Variants in IMMP2L observed in about 807,000 individuals in gnomAD.
IMMP2L encodes the protein mitochondrial inner membrane protease subunit 2.
IMMP2L carries 18 observed loss-of-function variants against 19.3 expected under a neutral mutation model. The ratio of observed to expected loss-of-function variants is 0.93; its 90% CI spans 0.64 to 1.38. The LOEUF (loss-of-function observed/expected upper bound fraction) is 1.38, where lower values mean the gene tolerates loss of function less well. Ranked by LOEUF, IMMP2L falls within the 40% of genes most tolerant of loss-of-function variation. The probability of loss-of-function intolerance (pLI) is 0.00; values close to 1 mark genes in which losing one functional copy is unlikely to be tolerated. For missense variants in IMMP2L, 233 were observed against 218.2 expected, an observed-to-expected ratio of 1.07 and a Z score of -0.43; for synonymous variants, 76 against 73.0, an observed-to-expected ratio of 1.04 and a Z score of -0.21.
At chr7:111,253,504 G>T (rs7805473) in intron 3 of IMMP2L, among the ~76,000 whole-genome samples, 2 of 152,060 alleles carry the variant, frequency 1.3e-5, no homozygotes, top group Non-Finnish European at 2.9e-5. Flanking sequence ...GGTGAAAGGA[G>T]GCTGCATATG....
intron 5 of IMMP2L, among the ~76,000 whole-genome samples, chr7:110,871,722 C>A (rs1362847317): frequency 6.6e-6 from 1 of 152,046 alleles, no homozygotes; most frequent in East Asian, 1.9e-4. Flanking sequence ...ACCACAGATT[C>A]AGAACTTTAA....
In IMMP2L at chr7:111,301,921, T is replaced by TAAAAA. The variant is rs59156229; in HGVS notation, c.239+185312_239+185316dup. On this transcript the variant is annotated intron_variant, in intron 3 of 5. Coordinates refer to ENST00000405709, the MANE Select transcript of IMMP2L (RefSeq NM_032549.4). ...ATTACGCCATGTCAGTTTCATGCTT[T>TAAAAA]AAAAAAAAAAAAAAAAAAAAAAAAA... Among the ~76,000 whole-genome samples, 345 of 83,144 alleles carry TAAAAA rather than the reference T, an allele frequency of 4.1e-3. 4 individuals are homozygous for TAAAAA. Among genetic ancestry groups the TAAAAA allele is most frequent in the Non-Finnish European group, 6.0e-3 (280 of 46,856 alleles). The allele number at this position is 83,144 out of a possible 152,430, so 54.5% of individuals were successfully genotyped here.
At chr7:110,724,889 T>C (rs1009805309) in intron 5 of IMMP2L, among the ~76,000 whole-genome samples, 32 of 152,272 alleles carry the variant, frequency 2.1e-4, no homozygotes, top group African/African-American at 7.0e-4. Context: ...GTATCAAGAA[T>C]TGGCTGTGAG....
chr7:111,105,334 A>G (rs1798425862), intron 3 of IMMP2L, among the ~76,000 whole-genome samples: 1 of 151,930 alleles, frequency 6.6e-6, no homozygotes, highest in African/African-American at 2.4e-5. Flanking sequence ...TATAAAACTC[A>G]GAAACTCCGA....
At chr7:111,378,691 T>G (rs1830915245) in intron 3 of IMMP2L, among the ~76,000 whole-genome samples, 2 of 151,958 alleles carry the variant, frequency 1.3e-5, no homozygotes, top group South Asian at 4.2e-4. Context: ...TCCAATTGCA[T>G]TCTCACATCA....
intron 3 of IMMP2L, among the ~76,000 whole-genome samples, chr7:111,017,105 G>A (rs185170218): frequency 6.1e-5 from 9 of 147,768 alleles, no homozygotes; most frequent in Admixed American, 1.4e-4. Flanking sequence ...AAAGAGTCTC[G>A]CTCTGTTGCT....
chr7:111,349,302 G>A (rs566282837), intron 3 of IMMP2L, among the ~76,000 whole-genome samples: 1 of 152,170 alleles, frequency 6.6e-6, no homozygotes, highest in Admixed American at 6.5e-5. Flanking sequence ...ATGTTGAGCA[G>A]CTGCTATGTT....
chr7:111,316,855 T>TC (rs1343944606), intron 3 of IMMP2L, among the ~76,000 whole-genome samples: 37 of 137,826 alleles, frequency 2.7e-4, no homozygotes, highest in African/African-American at 1.0e-3. Flanking sequence ...CTTTTTTTTT[T>TC]TTTTTTTTTT....
At chr7:111,437,104 C>T (rs570233531) in intron 3 of IMMP2L, among the ~76,000 whole-genome samples, 77 of 151,688 alleles carry the variant, frequency 5.1e-4, no homozygotes, top group African/African-American at 1.6e-3. Flanking sequence ...CTGTATATAA[C>T]GCACTTATTC....
At chr7:110,729,201 A>G (rs1412371902) in intron 5 of IMMP2L, among the ~76,000 whole-genome samples, 1 of 152,120 alleles carries the variant, frequency 6.6e-6, no homozygotes, top group Non-Finnish European at 1.5e-5. Context: ...CTGTTTTTAC[A>G]CTGCCATAAA....
intron 3 of IMMP2L, among the ~76,000 whole-genome samples, chr7:111,172,706 C>G (rs2129609412): frequency 6.6e-6 from 1 of 151,610 alleles, no homozygotes; most frequent in East Asian, 1.9e-4. Flanking sequence ...TCTATGAGAT[C>G]AACTTTTAAG....
Position 111,123,190 on chromosome 7 carries a change from A to G in IMMP2L, c.240-159625T>C. ...GCCTGAAAAATGTCTGTCCGAACTG[A>G]GCAACTTACAAGAACTCTATATTAA... On this transcript the variant is annotated intron_variant, in intron 3 of 5. Coordinates refer to ENST00000405709, the MANE Select transcript of IMMP2L (RefSeq NM_032549.4). The surrounding 1 kb of genome is among the most constrained non-coding windows in gnomAD (Gnocchi z 6.4). 2.5e-6 allele frequency: 4 copies of G among 1,613,980 alleles called. No individual in the cohort carries two copies. Among genetic ancestry groups the G allele is most frequent in the Non-Finnish European group, 2.5e-6 (3 of 1,179,968 alleles).
At chr7:111,501,682 G>C (rs935639269) in intron 2 of IMMP2L, among the ~76,000 whole-genome samples, 7 of 152,108 alleles carry the variant, frequency 4.6e-5, no homozygotes, top group Admixed American at 6.6e-5. Flanking sequence ...CATTCTTAAA[G>C]AAAAGAATTT....
At chr7:110,995,639 GAGA>G (rs1822949914) in intron 3 of IMMP2L, among the ~76,000 whole-genome samples, 1 of 152,128 alleles carries the variant, frequency 6.6e-6, no homozygotes. Context: ...ACAAGCTTGT[GAGA>G]ATCAGGTGGT....
At chr7:110,771,724 G>C (rs1469886564) in intron 5 of IMMP2L, among the ~76,000 whole-genome samples, 1 of 152,112 alleles carries the variant, frequency 6.6e-6, no homozygotes, top group Admixed American at 6.5e-5. Flanking sequence ...AAAACCCAAC[G>C]AAGACTCCTA....
chr7:110,967,103 C>T (rs1318128744), intron 3 of IMMP2L, among the ~76,000 whole-genome samples: 1 of 152,038 alleles, frequency 6.6e-6, no homozygotes, highest in African/African-American at 2.4e-5. Flanking sequence ...TCTCCAGAGA[C>T]TTGGATGAGG....
intron 3 of IMMP2L, among the ~76,000 whole-genome samples, chr7:111,465,110 T>A (rs931208895): frequency 5.3e-5 from 8 of 152,146 alleles, no homozygotes; most frequent in Admixed American, 2.6e-4. Context: ...AGCCAACTCT[T>A]TAAATTTTCC....
chr7:111,016,732 TA>T (rs546811200), intron 3 of IMMP2L, among the ~76,000 whole-genome samples: 2,056 of 96,968 alleles, frequency 0.021, 35 homozygotes, highest in East Asian at 0.045. Context: ...ATATATAAAA[TA>T]TATATATTAT....
rs2129618326 is a variant in IMMP2L at position 111,210,938 on chromosome 7, T to C, written c.240-247373A>G. Among the ~76,000 whole-genome samples, 7 of 152,234 alleles carry C rather than the reference T, an allele frequency of 4.6e-5. No homozygotes were observed. The Middle Eastern group carries it at 0.017, about 370-fold the overall frequency. The stretch of plus-strand genomic sequence containing the variant: ...CCTTTGGCTTTACCTGGACCTACCC[T>C]GGATAAAAGGGGAAAGAGAAATAAA... On this transcript the variant is annotated intron_variant, in intron 3 of 5. Transcript: ENST00000405709.
Sources: gnomAD v4.1 joint callset for allele counts (sites outside exome capture counted in the v4.1 genomes callset) on GRCh38, gnomAD v4.1.1 for gene constraint, Gnocchi (gnomAD v3.1) non-coding constraint, MANE v1.5 for transcripts, NCBI Gene and HGNC (gene_info 2026-07-23, HGNC 2026-07-21) for gene names.